NEGR1: variants seen among roughly 807,000 people sequenced by gnomAD.
NEGR1 encodes neuronal growth regulator 1, also known as IgLON family member 4.
NEGR1 carries 10 observed loss-of-function variants against 40.9 expected under a neutral mutation model. That is an observed-to-expected ratio of 0.24 (90% CI 0.15 to 0.42). The LOEUF (loss-of-function observed/expected upper bound fraction) is 0.42. NEGR1 is among the 10% of genes least tolerant of loss of function. NEGR1 has a pLI of 1.00. For synonymous variants in NEGR1, 185 were observed against 166.8 expected (o/e 1.11, Z -0.84); for missense variants, 352 against 438.9 (o/e 0.80, Z 1.77).
intron 2 of NEGR1, among the ~76,000 whole-genome samples, chr1:71,797,192 G>A (rs985507923): frequency 2.6e-5 from 4 of 152,036 alleles, no homozygotes; most frequent in African/African-American, 9.7e-5. Flanking sequence ...AATGTGCCTC[G>A]CAGTACCACA....
chr1:72,210,494 A>G (rs1194256), intron 1 of NEGR1, among the ~76,000 whole-genome samples: 3,322 of 152,052 alleles, frequency 0.022, 54 homozygotes, highest in African/African-American at 0.032. Context: ...TTAAGGAATA[A>G]CTGATGGAAA....
At chr1:71,998,416 C>A (rs548865600) in intron 1 of NEGR1, among the ~76,000 whole-genome samples, 1 of 151,886 alleles carries the variant, frequency 6.6e-6, no homozygotes, top group Non-Finnish European at 1.5e-5. Context: ...ATTCCACAAT[C>A]GCTGGCATAG....
intron 4 of NEGR1, among the ~76,000 whole-genome samples, chr1:71,662,015 G>C (rs2422019): frequency 0.47 from 71,763 of 152,078 alleles, 17,016 homozygotes; most frequent in Middle Eastern, 0.54. Flanking sequence ...AACATATGTA[G>C]AGTTGTTAGC....
intron 1 of NEGR1, among the ~76,000 whole-genome samples, chr1:71,969,659 A>C (rs1646240230): frequency 6.6e-6 from 1 of 152,220 alleles, no homozygotes; most frequent in Admixed American, 6.5e-5. Flanking sequence ...AATTATTACA[A>C]CATGATTAGG....
At chr1:72,026,900 A>G (rs12023418) in intron 1 of NEGR1, among the ~76,000 whole-genome samples, 25,795 of 151,904 alleles carry the variant, frequency 0.17, 2,850 homozygotes, top group East Asian at 0.44. Flanking sequence ...AATAGTCTTA[A>G]GACTCATGTT....
chr1:72,154,981 T>G (rs1422865308), intron 1 of NEGR1, among the ~76,000 whole-genome samples: 1 of 152,014 alleles, frequency 6.6e-6, no homozygotes, highest in Non-Finnish European at 1.5e-5. Flanking sequence ...AGAAAAACTC[T>G]GCAAATTCTT....
rs1218922985 is a variant in NEGR1 at position 72,081,440 on chromosome 1, C to A, written c.177-146129G>T. Among the ~76,000 whole-genome samples, 3 of 151,982 alleles carry A rather than the reference C, an allele frequency of 2.0e-5. No individual in the cohort carries two copies. In the East Asian group the frequency reaches 5.8e-4, roughly 29 times the overall value. ...AAAGAAGCTTCATAAGTTATATAAC[C>A]CCAAATTACAGATGACTTTCAGTTA... On this transcript the variant is annotated intron_variant, in intron 1 of 6. Transcript: ENST00000357731.
At chr1:71,568,748 T>A (rs1648704471) in intron 6 of NEGR1, among the ~76,000 whole-genome samples, 1 of 152,038 alleles carries the variant, frequency 6.6e-6, no homozygotes, top group South Asian at 2.1e-4. Flanking sequence ...TATGTGAGTA[T>A]ATATGTGTTT....
At chr1:71,776,528 A>G (rs1290482851) in intron 2 of NEGR1, among the ~76,000 whole-genome samples, 6 of 152,176 alleles carry the variant, frequency 3.9e-5, no homozygotes, top group Admixed American at 3.9e-4. Flanking sequence ...GATAAATGGA[A>G]TATTTAATAA....
intron 2 of NEGR1, among the ~76,000 whole-genome samples, chr1:71,871,682 G>C (rs1213024537): frequency 6.6e-6 from 1 of 152,160 alleles, no homozygotes; most frequent in African/African-American, 2.4e-5. Flanking sequence ...AACAGGTATT[G>C]AAAGTTTAAA....
intron 6 of NEGR1, among the ~76,000 whole-genome samples, chr1:71,536,961 A>G (rs1187176914): frequency 6.6e-6 from 1 of 151,710 alleles, no homozygotes; most frequent in Non-Finnish European, 1.5e-5. Context: ...GAAACTAACT[A>G]GAGCCAATAA....
chr1:71,971,160 C>A (rs957316844), intron 1 of NEGR1, among the ~76,000 whole-genome samples: 1 of 152,148 alleles, frequency 6.6e-6, no homozygotes, highest in Non-Finnish European at 1.5e-5. Flanking sequence ...TGTGAAGCCA[C>A]CAGAACCTGG....
intron 1 of NEGR1, among the ~76,000 whole-genome samples, chr1:71,997,017 ATC>A (rs1231078158): frequency 4.0e-5 from 6 of 151,884 alleles, no homozygotes; most frequent in African/African-American, 1.5e-4. Flanking sequence ...CCTTTTTTCA[ATC>A]TGTTTCTAGA....
At chr1:72,022,314 A>G (rs1422622814) in intron 1 of NEGR1, among the ~76,000 whole-genome samples, 2 of 142,644 alleles carry the variant, frequency 1.4e-5, no homozygotes, top group Non-Finnish European at 3.1e-5. Flanking sequence ...CGAATATCCT[A>G]AAGCAAACAA....
intron 4 of NEGR1, among the ~76,000 whole-genome samples, chr1:71,669,891 C>A (rs1026214292): frequency 6.6e-6 from 1 of 152,142 alleles, no homozygotes; most frequent in Non-Finnish European, 1.5e-5. Context: ...TCATGATCTG[C>A]CCACTTTGGC....
At chr1:71,423,604 A>G (rs1569854468) in intron 6 of NEGR1, among the ~76,000 whole-genome samples, 2 of 152,298 alleles carry the variant, frequency 1.3e-5, no homozygotes, top group South Asian at 4.1e-4. Flanking sequence ...ATTTCAAAAA[A>G]TGTGGGAAAA....
chr1:71,992,513 A>G (rs986150647), intron 1 of NEGR1, among the ~76,000 whole-genome samples: 5 of 152,238 alleles, frequency 3.3e-5, no homozygotes, highest in African/African-American at 1.2e-4. Context: ...TGAAATAAAT[A>G]TTAGTCATGT....
chr1:71,753,771 C>T (rs187767592), intron 3 of NEGR1, among the ~76,000 whole-genome samples: 5 of 152,224 alleles, frequency 3.3e-5, no homozygotes, highest in East Asian at 1.9e-4. Context: ...ATTAACTCTG[C>T]GAATCCAACA....
chr1:71,942,191 T>A (rs28615945), intron 1 of NEGR1, among the ~76,000 whole-genome samples: 5,538 of 151,104 alleles, frequency 0.037, 341 homozygotes, highest in African/African-American at 0.13. Flanking sequence ...TGCTTATTTT[T>A]AAAATATTTT....
Sources: allele counts gnomAD v4.1 joint callset (sites outside exome capture counted in the v4.1 genomes callset), GRCh38; gene constraint gnomAD v4.1.1; transcripts MANE v1.5; gene names NCBI Gene and HGNC (gene_info 2026-07-23, HGNC 2026-07-21).